The following ING1 variants were observed in gnomAD, a reference collection of about 807,000 sequenced individuals.
The protein encoded by ING1 is inhibitor of growth family member 1, also known as inhibitor of growth protein 1.
Under a neutral mutation model 23.1 loss-of-function variants are expected in ING1, and 4 were observed. The ratio of observed to expected loss-of-function variants is 0.17; its 90% CI spans 0.09 to 0.40. ING1 has a LOEUF of 0.40. ING1 is among the 10% of genes least tolerant of loss of function. The probability of loss-of-function intolerance (pLI) is 1.00; values close to 1 mark genes in which losing one functional copy is unlikely to be tolerated. For synonymous variants in ING1, 179 were observed against 166.4 expected (o/e 1.08, Z -0.58); for missense variants, 256 against 393.8 (o/e 0.65, Z 2.96).
intron 1 of ING1, 34 bp downstream of exon 1, chr13:110,714,319 G>T: frequency 6.6e-6 from 10 of 1,518,360 alleles, no homozygotes; most frequent in Non-Finnish European, 8.8e-6. Context: ...GGGGGCGGCC[G>T]CCTCCTTCCC....
rs2064169444 is a variant in ING1 at position 110,721,165 on chromosome 13, CA to C, written c.*1237del. On this transcript the variant is annotated 3_prime_UTR_variant, in exon 2 of 2. Coordinates refer to ENST00000333219, the MANE Select transcript of ING1 (RefSeq NM_198219.3). Reference sequence around the variant, plus strand: ...CCTGAAACCATTTGACTTGACAAGCCAAAACTATTTTCTGGCCCTCTGCAGA... The same window carrying C: ...CCTGAAACCATTTGACTTGACAAGCCAAACTATTTTCTGGCCCTCTGCAGA... 1 of 164,036 alleles carries C rather than the reference CA, an allele frequency of 6.1e-6. No individual in the cohort carries two copies. The highest frequency in any genetic ancestry group is 1.5e-5 in the Non-Finnish European group (1 of 68,118). 10.2% of individuals were successfully genotyped at this position (164,036 alleles called of 1,614,324 possible). A position where few individuals can be genotyped will look rare whatever the true frequency, so the allele number is the denominator to read the frequency against.
Position 110,720,053 on chromosome 13 carries a change from CCATTCCTTTCATAGGGAT to C in ING1, c.*122_*139del. On this transcript the variant is annotated 3_prime_UTR_variant, in exon 2 of 2. Coordinates refer to ENST00000333219, the MANE Select transcript of ING1 (RefSeq NM_198219.3). ...TTTTTAAAGAATGTTAGTAAAGGAA[CCATTCCTTTCATAGGGAT>C]GGCAGTGATTCTGTTTGCCTTTTGT... The C allele has an allele frequency of 2.7e-6, 2 of 736,142 alleles. No individual in the cohort carries two copies. Among genetic ancestry groups the C allele is most frequent in the Non-Finnish European group, 4.3e-6 (2 of 469,358 alleles). 45.6% of individuals were successfully genotyped at this position (736,142 alleles called of 1,614,324 possible). A position where few individuals can be genotyped will look rare whatever the true frequency, so the allele number is the denominator to read the frequency against.
upstream of ING1, chr13:110,713,046 G>T (rs749184874): frequency 5.4e-6 from 8 of 1,467,924 alleles, no homozygotes; most frequent in South Asian, 1.3e-5. Flanking sequence ...CGCATGCGCC[G>T]CCACTTCCGC....
At chr13:110,718,735 TG>T (rs2064144458) in intron 1 of ING1, among the ~76,000 whole-genome samples, 1 of 151,800 alleles carries the variant, frequency 6.6e-6, no homozygotes, top group Non-Finnish European at 1.5e-5. Flanking sequence ...ATTTTATTAA[TG>T]TTTGTATATT....
At chr13:110,712,972 G>A (rs1021977547), upstream of ING1, 9 of 1,559,404 alleles carry the variant, frequency 5.8e-6, no homozygotes, top group Non-Finnish European at 7.8e-6. Flanking sequence ...TCCGGCCGCG[G>A]AATGGGTAGG....
intron 1 of ING1, chr13:110,715,027 G>C: frequency 1.4e-5 from 14 of 994,476 alleles, no homozygotes; most frequent in Non-Finnish European, 1.7e-5. Context: ...TCGGGGGGGC[G>C]CGGGCAGATC....
chr13:110,722,284 A>AAG lies in ING1; in HGVS notation c.*2352_*2353insAG. ...TTTGATGAGATTTACCCAAACAAAT[A>AAG]GTGAACAAAAGGTTTATGAAAATAA... is the stretch of plus-strand genomic sequence containing the variant. On this transcript the variant is annotated 3_prime_UTR_variant, in exon 2 of 2. Coordinates refer to ENST00000333219, the MANE Select transcript of ING1 (RefSeq NM_198219.3). 1 of 152,368 alleles carries AAG rather than the reference A, an allele frequency of 6.6e-6. No homozygotes were observed. Among genetic ancestry groups the AAG allele is most frequent in the South Asian group, 2.1e-4 (1 of 4,826 alleles). 9.4% of individuals were successfully genotyped at this position (152,368 alleles called of 1,614,324 possible).
At chr13:110,717,677 A>G (rs1467021038) in intron 1 of ING1, among the ~76,000 whole-genome samples, 2 of 152,162 alleles carry the variant, frequency 1.3e-5, no homozygotes, top group African/African-American at 4.8e-5. Flanking sequence ...AAAATACAGA[A>G]TTAGCCGGGC....
Position 110,719,994 on chromosome 13 carries a change from C to T in ING1, c.*62C>T. ...AAACCGTGTATTTATTACATTGCTG[C>T]CTTTGTTGAGGTGCAAGGAGTGTAA... On this transcript the variant is annotated 3_prime_UTR_variant, in exon 2 of 2. Transcript: ENST00000333219. The surrounding 1 kb of genome is among the most constrained non-coding windows in gnomAD (Gnocchi z 8.9). 8.1e-7 allele frequency: 1 copy of T among 1,239,294 alleles called. No individual in the cohort carries two copies. Among genetic ancestry groups the T allele is most frequent in the Non-Finnish European group, 1.1e-6 (1 of 895,728 alleles). The allele number at this position is 1,239,294 out of a possible 1,614,324, so 76.8% of individuals were successfully genotyped here.
At chr13:110,717,904 GTTTAA>G in intron 1 of ING1, among the ~76,000 whole-genome samples, 2 of 152,308 alleles carry the variant, frequency 1.3e-5, no homozygotes, top group African/African-American at 4.8e-5. Context: ...ATCTGGTACT[GTTTAA>G]TTTAATGGTT....
chr13:110,713,563 C>A (rs1161633763), upstream of ING1: 8 of 985,904 alleles, frequency 8.1e-6, no homozygotes, highest in African/African-American at 1.0e-4. Flanking sequence ...GGCCTGGAGC[C>A]CGCAGCCCCC....
At position 110,713,818 on chromosome 13, in the gene ING1, G is replaced by C; in HGVS notation, c.-332G>C. ...GGGCGAGTGGGCAGCGGCGGCCGCG[G>C]CGCTGGGCCCTCTCCCGCCGGTGTG... is the stretch of plus-strand genomic sequence containing the variant. On this transcript the variant is annotated 5_prime_UTR_variant, in exon 1 of 2. Transcript: ENST00000333219. 1.0e-6 allele frequency: 1 copy of C among 983,472 alleles called. No individual in the cohort carries two copies. Among genetic ancestry groups the C allele is most frequent in the East Asian group, 1.1e-4 (1 of 8,780 alleles). 60.9% of individuals were successfully genotyped at this position (983,472 alleles called of 1,614,324 possible).
chr13:110,713,641 G>A (rs970459002), upstream of ING1: 18 of 985,400 alleles, frequency 1.8e-5, no homozygotes, highest in Non-Finnish European at 2.0e-5. Context: ...AGGGGGCCGG[G>A]GCGCATGCGC....
chr13:110,713,302 C>G (rs1321710989), upstream of ING1: 1 of 1,224,140 alleles, frequency 8.2e-7, no homozygotes, highest in Non-Finnish European at 1.0e-6. Context: ...TTGCTGTGTA[C>G]CATGGTCTCG....
At chr13:110,715,901 G>C (rs755798470) in intron 1 of ING1, 5 of 1,584,334 alleles carry the variant, frequency 3.2e-6, no homozygotes, top group Non-Finnish European at 4.3e-6. Context: ...GCTCGGGGCC[G>C]GGGCTGCAGT....
chr13:110,713,931 A>T lies in ING1; in HGVS notation c.-219A>T. On this transcript the variant is annotated 5_prime_UTR_variant, in exon 1 of 2. Transcript: ENST00000333219. ...CGGCCGGGGCGTGCGCCCGGGAGCC[A>T]CCGCCACCGCGGCCCGCGCCCTCAG... is the stretch of plus-strand genomic sequence containing the variant. 1 of 992,532 alleles carries T rather than the reference A, an allele frequency of 1.0e-6. No homozygotes were observed. Among genetic ancestry groups the T allele is most frequent in the Non-Finnish European group, 1.2e-6 (1 of 835,946 alleles). The allele number at this position is 992,532 out of a possible 1,614,324, so 61.5% of individuals were successfully genotyped here.
chr13:110,714,940 G>A (rs2064092921), intron 1 of ING1: 2 of 973,038 alleles, frequency 2.1e-6, no homozygotes, highest in Non-Finnish European at 2.4e-6. Flanking sequence ...GAGGACGAGG[G>A]CTTTTCTCTG....
chr13:110,714,540 T>C (rs1356256039), intron 1 of ING1, among the ~76,000 whole-genome samples: 1 of 151,392 alleles, frequency 6.6e-6, no homozygotes, highest in East Asian at 2.0e-4. Flanking sequence ...AAAGCGCTCT[T>C]TGTAGTGAAG....
intron 1 of ING1, among the ~76,000 whole-genome samples, chr13:110,717,560 C>G (rs2064134059): frequency 6.6e-6 from 1 of 152,192 alleles, no homozygotes; most frequent in African/African-American, 2.4e-5. Flanking sequence ...GGCACGGTGG[C>G]TCACTCCTGT....
Sources: allele counts gnomAD v4.1 joint callset (sites outside exome capture counted in the v4.1 genomes callset), GRCh38; gene constraint gnomAD v4.1.1; non-coding constraint Gnocchi (gnomAD v3.1); transcripts MANE v1.5; gene names NCBI Gene and HGNC (gene_info 2026-07-23, HGNC 2026-07-21).